DNAJC5B: variants seen among roughly 807,000 people sequenced by gnomAD.
DNAJC5B encodes the protein dnaJ homolog subfamily C member 5B.
A neutral mutation model predicts 24.7 loss-of-function variants in DNAJC5B; 23 were observed. The ratio of observed to expected loss-of-function variants is 0.93; its 90% CI spans 0.67 to 1.32. The LOEUF is 1.32. Ranked by LOEUF, DNAJC5B falls within the 40% of genes most tolerant of loss-of-function variation. DNAJC5B has a pLI of 0.00. For missense variants in DNAJC5B, 238 were observed against 240.8 expected (o/e 0.99, Z 0.08); for synonymous variants, 101 against 90.1 (o/e 1.12, Z -0.68).
upstream of DNAJC5B, among the ~76,000 whole-genome samples, chr8:66,019,014 C>T (rs539369270): frequency 6.6e-6 from 1 of 152,334 alleles, no homozygotes; most frequent in East Asian, 1.9e-4. Context: ...AGGTGTGAGG[C>T]TTTGCCTGCC....
chr8:66,030,505 A>G (rs1024513701), intron 1 of DNAJC5B, among the ~76,000 whole-genome samples: 2 of 152,192 alleles, frequency 1.3e-5, no homozygotes, highest in African/African-American at 4.8e-5. Context: ...ATGGGTCACA[A>G]TGGACTTGCT....
chr8:66,053,699 G>A (rs1255337307), intron 3 of DNAJC5B, among the ~76,000 whole-genome samples: 1 of 150,238 alleles, frequency 6.7e-6, no homozygotes, highest in Non-Finnish European at 1.5e-5. Context: ...GCGCGATCTC[G>A]GCTCACCGCA....
At chr8:66,062,251 ATAAT>A (rs1807099844) in intron 3 of DNAJC5B, among the ~76,000 whole-genome samples, 1 of 152,238 alleles carries the variant, frequency 6.6e-6, no homozygotes, top group African/African-American at 2.4e-5. Flanking sequence ...CATTTCTCAA[ATAAT>A]TAGTTTGGTC....
At chr8:66,036,059 T>C (rs1013810977) in intron 1 of DNAJC5B, among the ~76,000 whole-genome samples, 8 of 152,196 alleles carry the variant, frequency 5.3e-5, no homozygotes, top group African/African-American at 1.9e-4. Flanking sequence ...GGAGAACTTT[T>C]TCAAATTGGA....
intron 1 of DNAJC5B, among the ~76,000 whole-genome samples, chr8:66,033,770 CTTTTTTTTTT>C (rs765814272): frequency 9.5e-5 from 10 of 105,394 alleles, no homozygotes; most frequent in Admixed American, 2.0e-4. Context: ...GATCATTCCG[CTTTTTTTTTT>C]TTTTTTTTTT....
chr8:66,027,040 C>T lies in DNAJC5B; in HGVS notation c.-142+5335C>T, dbSNP rs115740786. 7.2e-3 allele frequency among the ~76,000 whole-genome samples: 1,091 copies of T among 152,268 alleles called. 10 individuals are homozygous for T. The highest frequency in any genetic ancestry group is 0.025 in the African/African-American group (1,030 of 41,546). On this transcript the variant is annotated intron_variant, in intron 1 of 5. Transcript: ENST00000276570. ...TTTAGGATACCCATCACCTGATCCC[C>T]TCATCCTCCTTTCAAGCCACTCCTC... is the stretch of plus-strand genomic sequence containing the variant.
chr8:66,019,373 T>C (rs1397777186), upstream of DNAJC5B, among the ~76,000 whole-genome samples: 2 of 152,200 alleles, frequency 1.3e-5, no homozygotes, highest in East Asian at 3.8e-4. Context: ...GAACCTTTTA[T>C]AGATCAGAGG....
chr8:66,055,525 A>G (rs1279547115), intron 3 of DNAJC5B, among the ~76,000 whole-genome samples: 1 of 152,236 alleles, frequency 6.6e-6, no homozygotes, highest in Non-Finnish European at 1.5e-5. Flanking sequence ...CATTTGATTA[A>G]AAGGAAAACA....
chr8:66,031,967 T>A (rs1280388623), intron 1 of DNAJC5B, among the ~76,000 whole-genome samples: 1 of 152,254 alleles, frequency 6.6e-6, no homozygotes, highest in Non-Finnish European at 1.5e-5. Flanking sequence ...GTTGGCCTAG[T>A]AATTACCTCA....
chr8:66,037,615 G>T (rs977916036), intron 1 of DNAJC5B, among the ~76,000 whole-genome samples: 1 of 152,160 alleles, frequency 6.6e-6, no homozygotes, highest in Admixed American at 6.5e-5. Flanking sequence ...CCTCTGGGAC[G>T]GTCCACTCAG....
At chr8:66,091,979 G>A (rs960188987) in intron 5 of DNAJC5B, among the ~76,000 whole-genome samples, 3 of 152,118 alleles carry the variant, frequency 2.0e-5, no homozygotes, top group Non-Finnish European at 2.9e-5. Context: ...CCAAAGAGGC[G>A]GGAAGTAGAT....
chr8:66,023,598 T>C (rs527612739), intron 1 of DNAJC5B, among the ~76,000 whole-genome samples: 1 of 152,354 alleles, frequency 6.6e-6, no homozygotes, highest in South Asian at 2.1e-4. Flanking sequence ...TTTTCCTGTT[T>C]AGGTAGATAA....
intron 5 of DNAJC5B, among the ~76,000 whole-genome samples, chr8:66,082,911 A>G (rs1312925809): frequency 6.6e-6 from 1 of 151,990 alleles, no homozygotes; most frequent in Non-Finnish European, 1.5e-5. Flanking sequence ...CAGCTCTGCA[A>G]CACGCTTCCC....
At chr8:66,015,890 G>A in the DNAJC5B span, among the ~76,000 whole-genome samples, 1 of 152,348 alleles carries the variant, frequency 6.6e-6, no homozygotes, top group Non-Finnish European at 1.5e-5. Context: ...GTGAGAGTTT[G>A]CAATGAGTGT....
chr8:66,038,264 T>C (rs1308731716), intron 1 of DNAJC5B, among the ~76,000 whole-genome samples: 2 of 152,356 alleles, frequency 1.3e-5, no homozygotes, highest in Middle Eastern at 3.4e-3. Flanking sequence ...GGATATGATA[T>C]GACCTGTGAA....
intron 3 of DNAJC5B, among the ~76,000 whole-genome samples, chr8:66,058,843 A>G (rs973035921): frequency 2.0e-5 from 3 of 152,216 alleles, no homozygotes; most frequent in Non-Finnish European, 4.4e-5. Context: ...TACTGTGCCA[A>G]TCCATCAGGT....
At chr8:66,061,221 T>C (rs1807073475) in intron 3 of DNAJC5B, among the ~76,000 whole-genome samples, 1 of 152,056 alleles carries the variant, frequency 6.6e-6, no homozygotes, top group Non-Finnish European at 1.5e-5. Context: ...TTTGAGGCTG[T>C]AGTATGCTAT....
chr8:66,082,815 A>G (rs1286640143), intron 5 of DNAJC5B, among the ~76,000 whole-genome samples: 1 of 152,102 alleles, frequency 6.6e-6, no homozygotes, highest in Non-Finnish European at 1.5e-5. Context: ...AGAAATCACA[A>G]CAAATTGCAA....
At chr8:66,023,859 T>C in intron 1 of DNAJC5B, among the ~76,000 whole-genome samples, 1 of 152,232 alleles carries the variant, frequency 6.6e-6, no homozygotes, top group South Asian at 2.1e-4. Context: ...AAGCTATATA[T>C]GTCTTGCATC....
Sources: gnomAD v4.1 joint callset for allele counts (sites outside exome capture counted in the v4.1 genomes callset) on GRCh38, gnomAD v4.1.1 for gene constraint, MANE v1.5 for transcripts, NCBI Gene and HGNC (gene_info 2026-07-23, HGNC 2026-07-21) for gene names.